The following GAS7 variants were observed in gnomAD, a reference collection of about 807,000 sequenced individuals.
GAS7 encodes the protein growth arrest specific 7.
Under a neutral mutation model 71.1 loss-of-function variants are expected in GAS7, and 28 were observed. That is an observed-to-expected ratio of 0.39 (90% confidence interval 0.29 to 0.54). The LOEUF (loss-of-function observed/expected upper bound fraction) is 0.54. Ranked by LOEUF, GAS7 falls within the 20% of genes least tolerant of loss-of-function variation. GAS7 has a pLI of 0.62. For missense variants in GAS7, 436 were observed against 627.8 expected (o/e 0.69, Z 3.27); for synonymous variants, 258 against 245.8 (o/e 1.05, Z -0.46).
chr17:10,183,528 C>A (rs2074431270), intron 1 of GAS7, among the ~76,000 whole-genome samples: 1 of 152,166 alleles, frequency 6.6e-6, no homozygotes, highest in South Asian at 2.1e-4. Context: ...CTCAGAGGAG[C>A]CCTGGGAGAC....
rs981492716 is a variant in GAS7 at position 10,057,223 on chromosome 17, A to G, written c.184-37326T>C. Among the ~76,000 whole-genome samples, 8 of 152,114 alleles carry G rather than the reference A, an allele frequency of 5.3e-5. No individual in the cohort carries two copies. In the Middle Eastern group the frequency reaches 0.01, roughly 194 times the overall value. On this transcript the variant is annotated intron_variant, in intron 1 of 13. Transcript: ENST00000432992. ...CCTCTGCCTGGCCGCCAGCCCGTCTAGGAAGTGAGGAGCGTCTCTGCCTGG... is the reference window on the plus strand; with the variant it reads ...CCTCTGCCTGGCCGCCAGCCCGTCTGGGAAGTGAGGAGCGTCTCTGCCTGG...
intron 2 of GAS7, among the ~76,000 whole-genome samples, chr17:9,994,324 A>T (rs1396642735): frequency 2.7e-5 from 4 of 149,016 alleles, no homozygotes; most frequent in Non-Finnish European, 6.0e-5. Context: ...TACTGGTACC[A>T]AAACAGAGAT....
chr17:10,178,748 A>C (rs1205199447), intron 1 of GAS7, among the ~76,000 whole-genome samples: 1 of 114,552 alleles, frequency 8.7e-6, no homozygotes, highest in Non-Finnish European at 1.7e-5. Flanking sequence ...ATGAGCAAAA[A>C]TTGCCTCCTC....
chr17:9,992,766 C>T (rs2070895726), intron 2 of GAS7, among the ~76,000 whole-genome samples: 1 of 147,448 alleles, frequency 6.8e-6, no homozygotes, highest in Non-Finnish European at 1.5e-5. Flanking sequence ...CCCCCAACCC[C>T]ACAACAGTCC....
chr17:10,154,247 C>A (rs2074187983), intron 1 of GAS7, among the ~76,000 whole-genome samples: 1 of 152,072 alleles, frequency 6.6e-6, no homozygotes, highest in Non-Finnish European at 1.5e-5. Flanking sequence ...GCCTGTAATC[C>A]AGACAGTTTG....
chr17:10,049,161 G>A (rs376945668), intron 1 of GAS7, among the ~76,000 whole-genome samples: 3 of 152,272 alleles, frequency 2.0e-5, no homozygotes, highest in South Asian at 2.1e-4. Context: ...TTTGTTTTTC[G>A]TGTCCACCAA....
At chr17:9,963,110 T>G (rs2069567313) in intron 4 of GAS7, among the ~76,000 whole-genome samples, 1 of 150,474 alleles carries the variant, frequency 6.6e-6, no homozygotes, top group Non-Finnish European at 1.5e-5. Flanking sequence ...ACAACTTGGA[T>G]GAAACGTTCT....
chr17:10,112,233 T>A (rs1383353307), intron 1 of GAS7, among the ~76,000 whole-genome samples: 1 of 152,188 alleles, frequency 6.6e-6, no homozygotes, highest in Non-Finnish European at 1.5e-5. Flanking sequence ...CTCGAGCACG[T>A]GACCGAAGAC....
Position 9,919,767 on chromosome 17 carries a change from A to G in GAS7, c.1139-62T>C. 2 of 1,239,686 alleles carry G rather than the reference A, an allele frequency of 1.6e-6. No homozygotes were observed. Among genetic ancestry groups the G allele is most frequent in the Non-Finnish European group, 2.4e-6 (2 of 840,444 alleles). 76.8% of individuals were successfully genotyped at this position (1,239,686 alleles called of 1,614,324 possible). ...TATCCTCACCATGACTCTGTGCCCC[A>G]CCCTGAGCCCCACAGCCAAGCCTTC... is the stretch of plus-strand genomic sequence containing the variant. On this transcript the variant is annotated intron_variant, in intron 11 of 13. Coordinates refer to ENST00000432992, the MANE Select transcript of GAS7 (RefSeq NM_201433.2). This position sits in a 1 kb window ranked among gnomAD's most constrained non-coding sequence, Gnocchi z 5.0.
intron 5 of GAS7, among the ~76,000 whole-genome samples, chr17:9,950,283 A>G (rs11656070): frequency 0.47 from 71,265 of 151,854 alleles, 18,252 homozygotes; most frequent in African/African-American, 0.68. Flanking sequence ...CAAGGCGGGC[A>G]GATCACTTGA....
chr17:9,960,339 G>A (rs939528529), intron 4 of GAS7, among the ~76,000 whole-genome samples: 23 of 152,086 alleles, frequency 1.5e-4, no homozygotes, highest in African/African-American at 5.1e-4. Context: ...ACAGGTGCCC[G>A]CCAGCACGCC....
chr17:10,094,009 T>C (rs1360129273), intron 1 of GAS7, among the ~76,000 whole-genome samples: 1 of 152,196 alleles, frequency 6.6e-6, no homozygotes, highest in African/African-American at 2.4e-5. Flanking sequence ...GACTAAGTGA[T>C]GGGTACATCA....
chr17:10,038,305 C>T (rs1228571448), intron 1 of GAS7, among the ~76,000 whole-genome samples: 1 of 152,174 alleles, frequency 6.6e-6, no homozygotes, highest in Non-Finnish European at 1.5e-5. Flanking sequence ...GCTAGGATCA[C>T]ACCACTCTCA....
At chr17:9,966,099 T>C (rs557954317) in intron 4 of GAS7, among the ~76,000 whole-genome samples, 1 of 150,602 alleles carries the variant, frequency 6.6e-6, no homozygotes, top group Non-Finnish European at 1.5e-5. Flanking sequence ...CCCTGGTTCA[T>C]GCCATTCTCC....
At chr17:10,115,035 C>T (rs1454518804) in intron 1 of GAS7, among the ~76,000 whole-genome samples, 1 of 151,670 alleles carries the variant, frequency 6.6e-6, no homozygotes, top group Non-Finnish European at 1.5e-5. Context: ...GTCTGTCTGT[C>T]TGGCTGGCTG....
Position 9,913,776 on chromosome 17 carries a change from T to A in GAS7, c.*3452A>T, listed in dbSNP as rs1285306416. 1 of 231,622 alleles carries A rather than the reference T, an allele frequency of 4.3e-6. No homozygotes were observed. The highest frequency in any genetic ancestry group is 8.5e-6 in the Non-Finnish European group (1 of 117,068). The allele number at this position is 231,622 out of a possible 1,614,324, so 14.3% of individuals were successfully genotyped here. On this transcript the variant is annotated 3_prime_UTR_variant, in exon 14 of 14. Coordinates refer to ENST00000432992, the MANE Select transcript of GAS7 (RefSeq NM_201433.2). The stretch of plus-strand genomic sequence containing the variant: ...ACTAGAAAGAATAGAGGGTAACAAG[T>A]GGCTCTTCCTGGAGGTTGTCACAGC...
intron 13 of GAS7, among the ~76,000 whole-genome samples, chr17:9,917,559 C>T (rs1333242414): frequency 6.6e-6 from 1 of 152,212 alleles, no homozygotes; most frequent in African/African-American, 2.4e-5. Flanking sequence ...ACCCTGCAGA[C>T]CCCAGGCCTG....
chr17:10,100,599 T>G (rs2073688601), intron 1 of GAS7, among the ~76,000 whole-genome samples: 2 of 143,980 alleles, frequency 1.4e-5, no homozygotes, highest in South Asian at 4.1e-4. Context: ...TGACTTGCAT[T>G]TGCTCCCTTC....
At chr17:10,095,302 C>T (rs976236088) in intron 1 of GAS7, among the ~76,000 whole-genome samples, 1 of 152,112 alleles carries the variant, frequency 6.6e-6, no homozygotes, top group African/African-American at 2.4e-5. Context: ...AAGTAAACTC[C>T]ATGAAGCTTT....
Sources: gnomAD v4.1 joint callset for allele counts (sites outside exome capture counted in the v4.1 genomes callset) on GRCh38, gnomAD v4.1.1 for gene constraint, Gnocchi (gnomAD v3.1) non-coding constraint, MANE v1.5 for transcripts, NCBI Gene and HGNC (gene_info 2026-07-23, HGNC 2026-07-21) for gene names.